The following MAGEB4 variants were observed in gnomAD, a reference collection of about 807,000 sequenced individuals.
MAGEB4 encodes MAGE family member B4, also known as melanoma-associated antigen B4.
For missense variants in MAGEB4, 237 were observed against 269.3 expected, an observed-to-expected ratio of 0.88 and a Z score of 0.84; for synonymous variants, 101 against 101.9, an observed-to-expected ratio of 0.99 and a Z score of 0.05.
In MAGEB4 at chrX:30,242,473, C is replaced by T. The variant is rs766167581; in HGVS notation, c.338C>T (p.Thr113Met). 1.1e-5 allele frequency: 13 copies of T among 1,208,096 alleles called. No homozygotes were observed. Among genetic ancestry groups the T allele is most frequent in the Middle Eastern group, 2.3e-4 (1 of 4,373 alleles). ...CTCAAAGATTCTCTAACCAGGAAGA[C>T]GAAGATGTTAGTGCAGTTCCTGCTG... ...RSLKDSLTRK[T>M]KMLVQFLLYK... The change falls in exon 1 of 1, where the codon ACG (threonine) becomes ATG (methionine). Residue 113 changes from threonine to methionine, a missense_variant. Coordinates refer to ENST00000378982, the MANE Select transcript of MAGEB4 (RefSeq NM_002367.4).
chrX:30,243,496 AG>A lies in MAGEB4; in HGVS notation c.*321del, dbSNP rs1167781099. 5.1e-6 allele frequency: 1 copy of A among 194,925 alleles called. No individual in the cohort carries two copies. Among genetic ancestry groups the A allele is most frequent in the African/African-American group, 3.0e-5 (1 of 33,720 alleles). The allele number at this position is 194,925 out of a possible 1,213,427, so 16.1% of individuals were successfully genotyped here. ...CCTTAGAAATTTAAAATAACTCCAC[AG>A]TAAAATAGGTAGAATCTGAAGATAG... On this transcript the variant is annotated 3_prime_UTR_variant, in exon 1 of 1. Coordinates refer to ENST00000378982, the MANE Select transcript of MAGEB4 (RefSeq NM_002367.4).
Position 30,242,403 on chromosome X carries a change from G to A in MAGEB4, c.268G>A (p.Glu90Lys). Residue 90 changes from glutamate (E) to lysine (K), a missense_variant, in exon 1 of 1, where the codon GAA (glutamate) becomes AAA (lysine). Physicochemically the swap from Glu to Lys is moderately conservative, Grantham distance 56. Transcript: ENST00000378982. ...SDKGDESQDEENASSSQASTS... is the reference protein window; with the variant it reads ...SDKGDESQDEKNASSSQASTS... ...TAAAGGCGACGAGAGCCAAGATGAG[G>A]AAAATGCAAGTTCCTCCCAGGCCTC... 3.3e-6 allele frequency: 4 copies of A among 1,209,604 alleles called. No homozygotes were observed. The highest frequency in any genetic ancestry group is 4.5e-6 in the Non-Finnish European group (4 of 894,370).
rs748820679 is a variant in MAGEB4 at position 30,243,118 on chromosome X, C to T, written c.983C>T (p.Thr328Ile). 7.5e-6 allele frequency: 9 copies of T among 1,205,456 alleles called. No individual in the cohort carries two copies. The South Asian group carries it at 1.4e-4, about 19-fold the overall frequency. Reference protein sequence around the residue: ...RPRVAARRGTTAMTSAYSRAT... With the variant: ...RPRVAARRGTIAMTSAYSRAT... ...AGAGTTGCAGCCAGGCGTGGCACTA[C>T]AGCCATGACTAGTGCGTATTCCAGG... Residue 328 changes from threonine (T) to isoleucine (I), a missense_variant, in exon 1 of 1, where the codon ACA (threonine) becomes ATA (isoleucine). Physicochemically the swap from Thr to Ile is moderately conservative, Grantham distance 89 (BLOSUM62 -1). Coordinates refer to ENST00000378982, the MANE Select transcript of MAGEB4 (RefSeq NM_002367.4).
In MAGEB4 at chrX:30,243,796, G is replaced by A. The variant is rs1471127739; in HGVS notation, c.*620G>A. On this transcript the variant is annotated 3_prime_UTR_variant, in exon 1 of 1. Coordinates refer to ENST00000378982, the MANE Select transcript of MAGEB4 (RefSeq NM_002367.4). ...AGCAGTGTCTCCCACTCCTTGTGAA[G>A]TCTGAGGTATATTCTTTACTTTTGA... 4.0e-5 allele frequency: 5 copies of A among 124,388 alleles called. No homozygotes were observed. In the Admixed American group the frequency reaches 4.7e-4, roughly 12 times the overall value. The allele number at this position is 124,388 out of a possible 1,213,427, so 10.3% of individuals were successfully genotyped here. A position where few individuals can be genotyped will look rare whatever the true frequency, so the allele number is the denominator to read the frequency against.
At position 30,243,244 on chromosome X, in the gene MAGEB4, A is replaced by G; in HGVS notation, c.*68A>G. On this transcript the variant is annotated 3_prime_UTR_variant, in exon 1 of 1. Coordinates refer to ENST00000378982, the MANE Select transcript of MAGEB4 (RefSeq NM_002367.4). ...GCTTTCTCTGTTCCTGTGATGCATG[A>G]ATAACTCATTGATTTATCTCTTTGT... 1 of 789,705 alleles carries G rather than the reference A, an allele frequency of 1.3e-6. No homozygotes were observed. Among genetic ancestry groups the G allele is most frequent in the East Asian group, 3.2e-5 (1 of 30,920 alleles). The allele number at this position is 789,705 out of a possible 1,213,427, so 65.1% of individuals were successfully genotyped here.
At position 30,242,284 on chromosome X, in the gene MAGEB4, C is replaced by G. The variant is rs144717807; in HGVS notation, c.149C>G (p.Ala50Gly). The G allele has an allele frequency of 8.3e-7, 1 of 1,205,482 alleles. No homozygotes were observed. Among genetic ancestry groups the G allele is most frequent in the East Asian group, 3.0e-5 (1 of 33,777 alleles). The change falls in exon 1 of 1, where the codon GCC (alanine) becomes GGC (glycine). Residue 50 changes from alanine (A) to glycine (G), a missense_variant. Coordinates refer to ENST00000378982, the MANE Select transcript of MAGEB4 (RefSeq NM_002367.4). ...SSSSSVLRDT[A>G]SSSLAFGIPQ... ...TCCTCATCTGTTTTGAGGGATACTG[C>G]CTCCAGCTCCCTTGCTTTTGGCATT...
Position 30,243,958 on chromosome X carries a change from G to T in MAGEB4, c.*782G>T, listed in dbSNP as rs913040788. On this transcript the variant is annotated 3_prime_UTR_variant, in exon 1 of 1. Coordinates refer to ENST00000378982, the MANE Select transcript of MAGEB4 (RefSeq NM_002367.4). ...TTCAGTGTTCTTTTTTTAAATTGTA[G>T]ATTTATTTAGTTTCAGAATCTAAGT... 1.6e-5 allele frequency: 2 copies of T among 123,552 alleles called. No individual in the cohort carries two copies. Among genetic ancestry groups the T allele is most frequent in the South Asian group, 7.3e-4 (2 of 2,737 alleles). The allele number at this position is 123,552 out of a possible 1,213,427, so 10.2% of individuals were successfully genotyped here.
chrX:30,243,134 G>C lies in MAGEB4; in HGVS notation c.999G>C (p.Ala333=), dbSNP rs149887810. Residue 333 remains alanine, a synonymous_variant, in exon 1 of 1, where the codon GCG becomes GCC. Transcript: ENST00000378982. ...GTGGCACTACAGCCATGACTAGTGC[G>C]TATTCCAGGGCCACATCCAGTAGCT... ...ARRGTTAMTS[A]YSRATSSSSS... 8.4e-7 allele frequency: 1 copy of C among 1,191,225 alleles called. No homozygotes were observed. Among genetic ancestry groups the C allele is most frequent in the Admixed American group, 2.3e-5 (1 of 43,570 alleles).
In MAGEB4 at chrX:30,244,132, A is replaced by C. The variant is rs1925230257; in HGVS notation, c.*956A>C. ...ATGGCATTGGAATATGGAATTTGTG[A>C]AAAGGAAATTACCTTGCAATAAAGT... is the stretch of plus-strand genomic sequence containing the variant. On this transcript the variant is annotated 3_prime_UTR_variant, in exon 1 of 1. Coordinates refer to ENST00000378982, the MANE Select transcript of MAGEB4 (RefSeq NM_002367.4). 1 of 123,612 alleles carries C rather than the reference A, an allele frequency of 8.1e-6. No homozygotes were observed. The highest frequency in any genetic ancestry group is 9.4e-5 in the Admixed American group (1 of 10,587). The allele number at this position is 123,612 out of a possible 1,213,427, so 10.2% of individuals were successfully genotyped here. A position where few individuals can be genotyped will look rare whatever the true frequency, so the allele number is the denominator to read the frequency against.
rs191787003 is a variant in MAGEB4, at chrX:30,243,659, A to G, written c.*483A>G. 1 of 125,307 alleles carries G rather than the reference A, an allele frequency of 8.0e-6. No individual in the cohort carries two copies. The highest frequency in any genetic ancestry group is 9.2e-5 in the Admixed American group (1 of 10,864). The allele number at this position is 125,307 out of a possible 1,213,427, so 10.3% of individuals were successfully genotyped here. ...AATGTGGAGGCCTGGGCCAAGGTCA[A>G]TGACAGTGTCTCCATTGTCTTCCCT... is the stretch of plus-strand genomic sequence containing the variant. On this transcript the variant is annotated 3_prime_UTR_variant, in exon 1 of 1. Transcript: ENST00000378982.
rs1458610873 is a variant in MAGEB4 at position 30,243,937 on chromosome X, G to C, written c.*761G>C. 8.1e-6 allele frequency: 1 copy of C among 124,160 alleles called. No individual in the cohort carries two copies. Among genetic ancestry groups the C allele is most frequent in the Non-Finnish European group, 1.9e-5 (1 of 53,445 alleles). 10.2% of individuals were successfully genotyped at this position (124,160 alleles called of 1,213,427 possible). ...TATCTTTTCTTTTTCCTGTTTTTCAGTGTTCTTTTTTTAAATTGTAGATTT... is the reference window on the plus strand; with the variant it reads ...TATCTTTTCTTTTTCCTGTTTTTCACTGTTCTTTTTTTAAATTGTAGATTT... On this transcript the variant is annotated 3_prime_UTR_variant, in exon 1 of 1. Coordinates refer to ENST00000378982, the MANE Select transcript of MAGEB4 (RefSeq NM_002367.4).
In MAGEB4 at chrX:30,242,454, G is replaced by A; in HGVS notation, c.319G>A (p.Asp107Asn). 8.3e-7 allele frequency: 1 copy of A among 1,209,693 alleles called. No individual in the cohort carries two copies. Among genetic ancestry groups the A allele is most frequent in the African/African-American group, 1.7e-5 (1 of 57,850 alleles). The change falls in exon 1 of 1, where the codon GAT (aspartate) becomes AAT (asparagine). Residue 107 changes from aspartate (D) to asparagine (N), a missense_variant. Asp to Asn is a conservative substitution (Grantham distance 23, BLOSUM62 1). Coordinates refer to ENST00000378982, the MANE Select transcript of MAGEB4 (RefSeq NM_002367.4). Reference protein sequence around the residue: ...ASTSTERSLKDSLTRKTKMLV... With the variant: ...ASTSTERSLKNSLTRKTKMLV... Reference sequence around the variant, plus strand: ...AACATCCACTGAGAGATCACTCAAAGATTCTCTAACCAGGAAGACGAAGAT... The same window carrying A: ...AACATCCACTGAGAGATCACTCAAAAATTCTCTAACCAGGAAGACGAAGAT...
rs376364006 is a variant in MAGEB4, at chrX:30,242,703, A to G, written c.568A>G (p.Ser190Gly). 4.1e-6 allele frequency: 5 copies of G among 1,210,061 alleles called. No homozygotes were observed. In the African/African-American group the frequency reaches 7.0e-5, roughly 17 times the overall value. ...GCTAGGCCCCAACGATGGAAACCAG[A>G]GCAGTGCCTGGACCCTTCCAAGGAA... ...SMLGPNDGNQ[S>G]SAWTLPRNGL... Residue 190 changes from serine to glycine, a missense_variant, in exon 1 of 1, where the codon AGC becomes GGC. Coordinates refer to ENST00000378982, the MANE Select transcript of MAGEB4 (RefSeq NM_002367.4).
rs897772219 is a variant in MAGEB4, at chrX:30,242,035, C to T, written c.-101C>T. The T allele has an allele frequency of 8.1e-5, 54 of 665,022 alleles. No individual in the cohort carries two copies. The highest frequency in any genetic ancestry group is 7.3e-4 in the South Asian group (15 of 20,427). 54.8% of individuals were successfully genotyped at this position (665,022 alleles called of 1,213,427 possible). ...TCTGAAAAGCCAAGGTAGTATCTGC[C>T]TGCTGAAGGTGTTCTCAGGATTTCA... is the stretch of plus-strand genomic sequence containing the variant. On this transcript the variant is annotated 5_prime_UTR_variant, in exon 1 of 1. Coordinates refer to ENST00000378982, the MANE Select transcript of MAGEB4 (RefSeq NM_002367.4).
chrX:30,242,420 C>T lies in MAGEB4; in HGVS notation c.285C>T (p.Ser95=). The part of the protein sequence containing the change: ...ESQDEENASS[S]QASTSTERSL... ...AAGATGAGGAAAATGCAAGTTCCTC[C>T]CAGGCCTCAACATCCACTGAGAGAT... The change falls in exon 1 of 1, where the codon TCC becomes TCT. Residue 95 remains serine (S), a synonymous_variant. Coordinates refer to ENST00000378982, the MANE Select transcript of MAGEB4 (RefSeq NM_002367.4). The T allele has an allele frequency of 8.3e-7, 1 of 1,209,316 alleles. No homozygotes were observed.
chrX:30,243,399 A>T lies in MAGEB4; in HGVS notation c.*223A>T, dbSNP rs1157341111. 3.1e-6 allele frequency: 1 copy of T among 320,623 alleles called. No homozygotes were observed. Among genetic ancestry groups the T allele is most frequent in the Non-Finnish European group, 5.6e-6 (1 of 179,350 alleles). The allele number at this position is 320,623 out of a possible 1,213,427, so 26.4% of individuals were successfully genotyped here. ...TTAGTGATAATAATTTTGTTTTTGA[A>T]ATACAAATAGAAAATCCTGAAATAA... On this transcript the variant is annotated 3_prime_UTR_variant, in exon 1 of 1. Transcript: ENST00000378982.
At position 30,243,286 on chromosome X, in the gene MAGEB4, T is replaced by C. The variant is rs371456344; in HGVS notation, c.*110T>C. On this transcript the variant is annotated 3_prime_UTR_variant, in exon 1 of 1. Transcript: ENST00000378982. ...TCTCTTTGTTGTATTTTCCATGATG[T>C]TTCTTAAAATAGAAAGTTTATTTAG... 3.4e-6 allele frequency: 2 copies of C among 580,097 alleles called. No individual in the cohort carries two copies. The highest frequency in any genetic ancestry group is 5.0e-6 in the Non-Finnish European group (2 of 398,056). 47.8% of individuals were successfully genotyped at this position (580,097 alleles called of 1,213,427 possible).
Position 30,242,166 on chromosome X carries a change from G to A in MAGEB4, c.31G>A (p.Ala11Thr), listed in dbSNP as rs1446449914. ...TCGGGGTCAGAAGAGTAAGCTCCGT[G>A]CCCGTGAGAAACGCCAGCGGACCCG... MPRGQKSKLR[A>T]REKRQRTRGQ... Residue 11 changes from alanine to threonine, a missense_variant, in exon 1 of 1, where the codon GCC (alanine) becomes ACC (threonine). Coordinates refer to ENST00000378982, the MANE Select transcript of MAGEB4 (RefSeq NM_002367.4). 1 of 1,148,763 alleles carries A rather than the reference G, an allele frequency of 8.7e-7. No individual in the cohort carries two copies. The highest frequency in any genetic ancestry group is 1.8e-5 in the African/African-American group (1 of 54,702). The allele number at this position is 1,148,763 out of a possible 1,213,427, so 94.7% of individuals were successfully genotyped here. A position where few individuals can be genotyped will look rare whatever the true frequency, so the allele number is the denominator to read the frequency against.
Position 30,243,252 on chromosome X carries a change from A to C in MAGEB4, c.*76A>C. ...TGTTCCTGTGATGCATGAATAACTC[A>C]TTGATTTATCTCTTTGTTGTATTTT... is the stretch of plus-strand genomic sequence containing the variant. On this transcript the variant is annotated 3_prime_UTR_variant, in exon 1 of 1. Transcript: ENST00000378982. The C allele has an allele frequency of 1.5e-5, 11 of 732,920 alleles. No homozygotes were observed. Among genetic ancestry groups the C allele is most frequent in the Non-Finnish European group, 2.1e-5 (11 of 516,625 alleles). The allele number at this position is 732,920 out of a possible 1,213,427, so 60.4% of individuals were successfully genotyped here. A position where few individuals can be genotyped will look rare whatever the true frequency, so the allele number is the denominator to read the frequency against.
Sources: allele counts gnomAD v4.1 joint callset, GRCh38; gene constraint gnomAD v4.1.1; transcripts MANE v1.5; gene names NCBI Gene and HGNC (gene_info 2026-07-23, HGNC 2026-07-21).